Variants in PHF14 observed in about 807,000 individuals in gnomAD.
PHF14 encodes PHD finger protein 14.
In PHF14, 55 loss-of-function variants were observed where a neutral mutation model predicts 117.9. That is an observed-to-expected ratio of 0.47 (90% CI 0.38 to 0.58). The LOEUF is 0.58. Among genes scored for constraint, PHF14 ranks in the 20% least tolerant of loss-of-function variants. PHF14 has a pLI of 0.00. For synonymous variants in PHF14, 409 were observed against 368.6 expected, an observed-to-expected ratio of 1.11 and a Z score of -1.26; for missense variants, 978 against 1,122.2, an observed-to-expected ratio of 0.87 and a Z score of 1.84.
At chr7:11,102,729 C>G in intron 16 of PHF14, 1 of 1,377,612 alleles carries the variant, frequency 7.3e-7, no homozygotes, top group Non-Finnish European at 9.4e-7. Context: ...AGTAGATTTG[C>G]CTGTGTGGAA....
intron 3 of PHF14, among the ~76,000 whole-genome samples, chr7:10,989,675 G>A (rs1179170214): frequency 6.6e-6 from 1 of 152,122 alleles, no homozygotes. Context: ...CTGTCCCCCA[G>A]GCTGAAGTGC....
At chr7:10,999,283 C>T (rs559800320) in intron 4 of PHF14, among the ~76,000 whole-genome samples, 1 of 152,304 alleles carries the variant, frequency 6.6e-6, no homozygotes, top group African/African-American at 2.4e-5. Flanking sequence ...TCTCTCAAAC[C>T]ACTTACTCAT....
chr7:11,070,622 G>A (rs1346886711), intron 16 of PHF14, among the ~76,000 whole-genome samples: 3 of 151,918 alleles, frequency 2.0e-5, no homozygotes, highest in Non-Finnish European at 4.4e-5. Context: ...CATATTGATC[G>A]TCTTACATTG....
chr7:11,013,698 CTT>C (rs1420704020), intron 4 of PHF14, 47 bp from the exon 5 acceptor site: 6 of 1,067,940 alleles, frequency 5.6e-6, no homozygotes, highest in Non-Finnish European at 7.9e-6. Flanking sequence ...TTTTATGTGA[CTT>C]TAACAAAATA....
intron 2 of PHF14, among the ~76,000 whole-genome samples, chr7:10,976,486 A>T (rs1562557277): frequency 6.6e-6 from 1 of 152,158 alleles, no homozygotes; most frequent in Non-Finnish European, 1.5e-5. Context: ...AATTCTTTGA[A>T]TATGGGAACA....
intron 17 of PHF14, among the ~76,000 whole-genome samples, chr7:11,116,288 C>T (rs1323737783): frequency 6.6e-6 from 1 of 151,956 alleles, no homozygotes; most frequent in Admixed American, 6.6e-5. Context: ...TCAGCTGTTT[C>T]TCCAAGGAGC....
chr7:11,030,477 T>C (rs181148677), intron 7 of PHF14, among the ~76,000 whole-genome samples: 153 of 152,262 alleles, frequency 1.0e-3, no homozygotes, highest in Non-Finnish European at 1.6e-3. Context: ...TTAACAAAAA[T>C]GTGTGAAGCA....
At chr7:11,107,603 T>A (rs1386382022) in intron 16 of PHF14, 1 of 786,446 alleles carries the variant, frequency 1.3e-6, no homozygotes, top group African/African-American at 1.9e-5. Context: ...AAAATCTTAG[T>A]GTTTCTTTAC....
At chr7:11,070,711 C>G (rs748270640) in intron 16 of PHF14, among the ~76,000 whole-genome samples, 3 of 152,194 alleles carry the variant, frequency 2.0e-5, no homozygotes, top group Non-Finnish European at 4.4e-5. Flanking sequence ...TATTGTCTGT[C>G]AATTAATTTA....
At chr7:11,048,355 C>T (rs1373702695) in intron 13 of PHF14, among the ~76,000 whole-genome samples, 1 of 152,174 alleles carries the variant, frequency 6.6e-6, no homozygotes, top group Non-Finnish European at 1.5e-5. Flanking sequence ...AGGTGGATCA[C>T]GAGGTCAGGA....
At chr7:11,058,499 T>C (rs547237434) in intron 14 of PHF14, among the ~76,000 whole-genome samples, 1 of 152,206 alleles carries the variant, frequency 6.6e-6, no homozygotes, top group South Asian at 2.1e-4. Context: ...TTTTTTTCTT[T>C]GGAAATATTA....
At chr7:11,035,807 C>A in intron 8 of PHF14, 21 bp downstream of exon 8, 1 of 1,550,658 alleles carries the variant, frequency 6.4e-7, no homozygotes. Flanking sequence ...CATGTCAAAA[C>A]CCGTATGTTT....
chr7:11,164,707 C>T (rs899146418), intron 17 of PHF14, among the ~76,000 whole-genome samples: 3 of 152,114 alleles, frequency 2.0e-5, no homozygotes, highest in African/African-American at 4.8e-5. Flanking sequence ...ATCCAGCTTC[C>T]TGTAGTGTTG....
intron 17 of PHF14, among the ~76,000 whole-genome samples, chr7:11,119,953 TG>T (rs1269137253): frequency 2.0e-5 from 3 of 151,966 alleles, no homozygotes; most frequent in African/African-American, 7.2e-5. Flanking sequence ...AAGTGCATTA[TG>T]CCATGTTAAT....
chr7:10,974,428 A>C (rs1038933527), intron 1 of PHF14, 104 bp downstream of exon 1: 2 of 962,952 alleles, frequency 2.1e-6, no homozygotes, highest in Admixed American at 2.0e-5. Flanking sequence ...GCGGGAAAGC[A>C]GGATTGGTGG....
chr7:10,993,075 T>C (rs1338373179), intron 4 of PHF14, among the ~76,000 whole-genome samples: 2 of 152,232 alleles, frequency 1.3e-5, no homozygotes, highest in Non-Finnish European at 1.5e-5. Context: ...GTGCAGTTAC[T>C]GGTGATATTA....
At chr7:11,126,398 GGATA>G (rs1408246917) in intron 17 of PHF14, among the ~76,000 whole-genome samples, 2 of 152,004 alleles carry the variant, frequency 1.3e-5, no homozygotes, top group African/African-American at 4.8e-5. Flanking sequence ...GTGCTGTAAA[GGATA>G]GATATTTCTT....
chr7:11,028,607 C>T lies in PHF14; in HGVS notation c.1318-74C>T, dbSNP rs1784009341. 2.2e-5 allele frequency: 29 copies of T among 1,304,976 alleles called. 1 individual carries two copies. The South Asian group carries it at 3.0e-4, about 14-fold the overall frequency. The allele number at this position is 1,304,976 out of a possible 1,614,324, so 80.8% of individuals were successfully genotyped here. A position where few individuals can be genotyped will look rare whatever the true frequency, so the allele number is the denominator to read the frequency against. On this transcript the variant is annotated intron_variant, in intron 6 of 17. Transcript: ENST00000634607. Reference sequence around the variant, plus strand: ...TTTAGCATTTTAAATATTTAGTGGACACTTTGTATGAGAATGCAGTCTTTA... The same window carrying T: ...TTTAGCATTTTAAATATTTAGTGGATACTTTGTATGAGAATGCAGTCTTTA...
intron 16 of PHF14, among the ~76,000 whole-genome samples, chr7:11,096,973 CTTTTTTTTTTTTT>C (rs899756252): frequency 1.8e-5 from 2 of 108,586 alleles, no homozygotes; most frequent in African/African-American, 7.8e-5. Flanking sequence ...TAGACTAGAA[CTTTTTTTTTTTTT>C]TTTTTTTTTT....
Sources: allele counts gnomAD v4.1 joint callset (sites outside exome capture counted in the v4.1 genomes callset), GRCh38; gene constraint gnomAD v4.1.1; transcripts MANE v1.5; gene names NCBI Gene and HGNC (gene_info 2026-07-23, HGNC 2026-07-21).